The following SPTBN1 variants were observed in gnomAD, a reference collection of about 807,000 sequenced individuals.
SPTBN1 encodes spectrin beta chain, non-erythrocytic 1.
SPTBN1 carries 32 observed loss-of-function variants against 266.4 expected under a neutral mutation model. That is an observed-to-expected ratio of 0.12 (90% CI 0.09 to 0.16). The LOEUF is 0.16. SPTBN1 is among the 10% of genes least tolerant of loss of function. The pLI, the probability that SPTBN1 is intolerant of heterozygous loss-of-function variation, is 1.00. For missense variants in SPTBN1, 2,296 were observed against 3,067.1 expected (o/e 0.75, Z 5.94); for synonymous variants, 1,336 against 1,162.2 (o/e 1.15, Z -3.04).
intron 18 of SPTBN1, among the ~76,000 whole-genome samples, chr2:54,638,637 A>ACGTGTGAGTT (rs1386138196): frequency 6.6e-6 from 1 of 152,228 alleles, no homozygotes; most frequent in Non-Finnish European, 1.5e-5. Context: ...AGCTGATTTC[A>ACGTGTGAGTT]CGTGTGAGTT....
intron 30 of SPTBN1, 81 bp from the exon 31 acceptor site, chr2:54,659,073 G>T: frequency 6.8e-7 from 1 of 1,463,940 alleles, no homozygotes; most frequent in Non-Finnish European, 9.5e-7. Flanking sequence ...TAGACAGGAG[G>T]ACTTCCTGGG....
In SPTBN1 at chr2:54,461,344, C is replaced by G. The variant is rs147800360; in HGVS notation, c.-48+4826C>G. Among the ~76,000 whole-genome samples the G allele has an allele frequency of 1.1e-4, 16 of 152,244 alleles. No homozygotes were observed. The East Asian group carries it at 1.5e-3, about 15-fold the overall frequency. On this transcript the variant is annotated intron_variant, in intron 1 of 35. Transcript: ENST00000356805. The stretch of plus-strand genomic sequence containing the variant: ...ACGTGATTTATTTATTCATTGTACT[C>G]TAGATGGAGATTTGGATTGATTCCA...
chr2:54,581,453 C>G (rs1306674159), intron 2 of SPTBN1, among the ~76,000 whole-genome samples: 2 of 152,172 alleles, frequency 1.3e-5, no homozygotes, highest in African/African-American at 4.8e-5. Context: ...CTGCTGCTTT[C>G]CAGGGAATCA....
chr2:54,625,923 T>A lies in SPTBN1; in HGVS notation c.1342-9T>A. 5 of 1,609,422 alleles carry A rather than the reference T, an allele frequency of 3.1e-6. No homozygotes were observed. The highest frequency in any genetic ancestry group is 4.3e-6 in the Non-Finnish European group (5 of 1,176,112). On this transcript the variant is annotated splice_polypyrimidine_tract_variant and intron_variant, in intron 11 of 35. Coordinates refer to ENST00000356805, the MANE Select transcript of SPTBN1 (RefSeq NM_003128.3). Reference sequence around the variant, plus strand: ...TTATTTTCCTTCTTTTCATTCCGTTTCTCTGTAGGACAACTTTGGGTTTGA... The same window carrying A: ...TTATTTTCCTTCTTTTCATTCCGTTACTCTGTAGGACAACTTTGGGTTTGA...
intron 2 of SPTBN1, chr2:54,546,441 C>G (rs1204672118): frequency 1.3e-5 from 2 of 152,196 alleles, no homozygotes; most frequent in Non-Finnish European, 2.9e-5. Context: ...TGCATACACA[C>G]ACTCCTAAGT....
At chr2:54,520,955 C>T (rs1055073639) in intron 1 of SPTBN1, among the ~76,000 whole-genome samples, 3 of 152,112 alleles carry the variant, frequency 2.0e-5, no homozygotes, top group African/African-American at 4.8e-5. Context: ...GGTGGAACCA[C>T]CAGGCAGAGT....
At chr2:54,574,977 T>TGAG (rs1230002497) in intron 2 of SPTBN1, among the ~76,000 whole-genome samples, 1 of 152,192 alleles carries the variant, frequency 6.6e-6, no homozygotes, top group African/African-American at 2.4e-5. Flanking sequence ...AAAGATGACT[T>TGAG]GAGGTGGCAG....
At chr2:54,594,426 T>C (rs1675908676) in intron 2 of SPTBN1, among the ~76,000 whole-genome samples, 1 of 152,154 alleles carries the variant, frequency 6.6e-6, no homozygotes, top group Non-Finnish European at 1.5e-5. Flanking sequence ...AATCTAGAGA[T>C]GATCTAAAGT....
At chr2:54,524,662 G>A (rs1251117417) in intron 1 of SPTBN1, among the ~76,000 whole-genome samples, 1 of 152,108 alleles carries the variant, frequency 6.6e-6, no homozygotes, top group African/African-American at 2.4e-5. Flanking sequence ...ACTCAAGGGT[G>A]GTGTCGGTTA....
intron 3 of SPTBN1, among the ~76,000 whole-genome samples, chr2:54,610,791 C>T (rs887042380): frequency 5.9e-5 from 9 of 152,170 alleles, no homozygotes; most frequent in African/African-American, 2.2e-4. Context: ...GGAGTACTTC[C>T]AGCATCACTA....
intron 1 of SPTBN1, among the ~76,000 whole-genome samples, chr2:54,479,674 TCACTTCCTAGG>T (rs1668006509): frequency 6.6e-6 from 1 of 152,216 alleles, no homozygotes; most frequent in South Asian, 2.1e-4. Flanking sequence ...GGGACATGAC[TCACTTCCTAGG>T]GTGTTAAGAT....
intron 2 of SPTBN1, among the ~76,000 whole-genome samples, chr2:54,559,568 A>G (rs1673137274): frequency 6.6e-6 from 1 of 152,144 alleles, no homozygotes; most frequent in African/African-American, 2.4e-5. Flanking sequence ...TTTACTGAAC[A>G]TATTTTTAGG....
chr2:54,669,119 T>C lies in SPTBN1; in HGVS notation c.*550T>C, dbSNP rs1326053644. ...CTCTACAGACCAAACCATTTGTATC[T>C]GGCATCACTTACTAACACACGACAT... On this transcript the variant is annotated 3_prime_UTR_variant, in exon 36 of 36. Coordinates refer to ENST00000356805, the MANE Select transcript of SPTBN1 (RefSeq NM_003128.3). The C allele has an allele frequency of 6.5e-6, 1 of 154,060 alleles. No homozygotes were observed. The highest frequency in any genetic ancestry group is 2.0e-4 in the South Asian group (1 of 4,980). 9.5% of individuals were successfully genotyped at this position (154,060 alleles called of 1,614,324 possible).
intron 1 of SPTBN1, chr2:54,515,869 A>T (rs1392029610): frequency 6.6e-6 from 1 of 152,120 alleles, no homozygotes; most frequent in African/African-American, 2.4e-5. Context: ...TGAAATTTTC[A>T]TGCCATAGAT....
At position 54,668,896 on chromosome 2, in the gene SPTBN1, A is replaced by G; in HGVS notation, c.*327A>G. 3.4e-6 allele frequency: 1 copy of G among 294,480 alleles called. No homozygotes were observed. The highest frequency in any genetic ancestry group is 6.5e-6 in the Non-Finnish European group (1 of 153,348). 18.2% of individuals were successfully genotyped at this position (294,480 alleles called of 1,614,324 possible). On this transcript the variant is annotated 3_prime_UTR_variant, in exon 36 of 36. Coordinates refer to ENST00000356805, the MANE Select transcript of SPTBN1 (RefSeq NM_003128.3). ...CCGCCTCTAGTGCTGTTGGTATGCA[A>G]GGCAGCGGTGCTTAATCAATATTTC...
At position 54,525,513 on chromosome 2, in the gene SPTBN1, C is replaced by T. The variant is rs369819067; in HGVS notation, c.-47-859C>T. Among the ~76,000 whole-genome samples, 56 of 152,286 alleles carry T rather than the reference C, an allele frequency of 3.7e-4. 1 individual carries two copies. In the South Asian group the frequency reaches 0.011, roughly 30 times the overall value. On this transcript the variant is annotated intron_variant, in intron 1 of 35. Coordinates refer to ENST00000356805, the MANE Select transcript of SPTBN1 (RefSeq NM_003128.3). ...CCTCCCAAAGTGCTGGGATTAGAGG[C>T]GTGAGTCACTGTGCCTGGCCTTACA...
At chr2:54,519,590 T>C (rs1412982049) in intron 1 of SPTBN1, among the ~76,000 whole-genome samples, 1 of 152,172 alleles carries the variant, frequency 6.6e-6, no homozygotes, top group Non-Finnish European at 1.5e-5. Flanking sequence ...GGGACCAGGC[T>C]AGAGAGATGG....
intron 2 of SPTBN1, among the ~76,000 whole-genome samples, chr2:54,565,961 T>C (rs1429085170): frequency 6.6e-6 from 1 of 152,214 alleles, no homozygotes; most frequent in African/African-American, 2.4e-5. Context: ...TCTTTTAACC[T>C]TCTGGAAAAT....
chr2:54,617,779 C>A, intron 6 of SPTBN1, 91 bp downstream of exon 6: 3 of 1,252,600 alleles, frequency 2.4e-6, no homozygotes, highest in Non-Finnish European at 3.4e-6. Flanking sequence ...TATCCGTTGG[C>A]TTAACTGTCT....
Sources: gnomAD v4.1 joint callset for allele counts (sites outside exome capture counted in the v4.1 genomes callset) on GRCh38, gnomAD v4.1.1 for gene constraint, MANE v1.5 for transcripts, NCBI Gene and HGNC (gene_info 2026-07-23, HGNC 2026-07-21) for gene names.